The following RAD51B variants were observed in gnomAD, a reference collection of about 807,000 sequenced individuals.
RAD51B encodes RAD51 paralog B.
In RAD51B, 38 loss-of-function variants were observed where a neutral mutation model predicts 42.2. That is an observed-to-expected ratio of 0.90 (90% CI 0.70 to 1.18). RAD51B has a LOEUF of 1.18. Among genes scored for constraint, RAD51B ranks in the 50% most tolerant of loss-of-function variants. RAD51B has a pLI of 0.00. For missense variants in RAD51B, 373 were observed against 400.7 expected (o/e 0.93, Z 0.59); for synonymous variants, 154 against 145.2 (o/e 1.06, Z -0.43).
At chr14:68,345,742 T>A (rs188757520) in intron 8 of RAD51B, among the ~76,000 whole-genome samples, 83 of 151,458 alleles carry the variant, frequency 5.5e-4, no homozygotes, top group African/African-American at 2.0e-3. Context: ...CACTGCAACC[T>A]CCACCTCCTG....
chr14:68,494,101 C>A (rs1004102948), intron 10 of RAD51B, among the ~76,000 whole-genome samples: 2 of 151,894 alleles, frequency 1.3e-5, no homozygotes, highest in Non-Finnish European at 2.9e-5. Flanking sequence ...CATGGTGAAA[C>A]CCTGTCTCTA....
At chr14:68,047,458 C>T (rs1357663535) in intron 7 of RAD51B, among the ~76,000 whole-genome samples, 4 of 151,884 alleles carry the variant, frequency 2.6e-5, no homozygotes, top group African/African-American at 4.8e-5. Flanking sequence ...TCGAAAAGAA[C>T]GAGGAAAAAT....
At chr14:68,146,052 T>TTC (rs10696046) in intron 7 of RAD51B, among the ~76,000 whole-genome samples, 125,703 of 152,002 alleles carry the variant, frequency 0.83, 52,186 homozygotes, top group East Asian at 0.98. Context: ...CCCAGGACTG[T>TTC]TGTTAAAAGG....
At chr14:67,959,512 G>T (rs1034271775) in intron 7 of RAD51B, among the ~76,000 whole-genome samples, 9 of 152,120 alleles carry the variant, frequency 5.9e-5, no homozygotes, top group African/African-American at 2.2e-4. Flanking sequence ...CTCCCAAAGT[G>T]CTGGGATTAC....
At chr14:67,924,460 C>A (rs1259702756) in intron 7 of RAD51B, among the ~76,000 whole-genome samples, 1 of 152,122 alleles carries the variant, frequency 6.6e-6, no homozygotes, top group Non-Finnish European at 1.5e-5. Context: ...CGAGACTGGG[C>A]AATTTACAAA....
At chr14:68,382,882 T>A (rs1436272174) in intron 8 of RAD51B, among the ~76,000 whole-genome samples, 1 of 152,222 alleles carries the variant, frequency 6.6e-6, no homozygotes, top group Non-Finnish European at 1.5e-5. Context: ...GGTAAATCAC[T>A]AGCATAGTAT....
At chr14:68,130,302 A>G (rs1003376796) in intron 7 of RAD51B, 1 of 152,256 alleles carries the variant, frequency 6.6e-6, no homozygotes, top group Non-Finnish European at 1.5e-5. Flanking sequence ...TTAATAAATC[A>G]ACATTCTTAT....
intron 7 of RAD51B, among the ~76,000 whole-genome samples, chr14:67,915,990 T>A (rs1368206624): frequency 1.3e-5 from 2 of 152,204 alleles, no homozygotes; most frequent in African/African-American, 4.8e-5. Context: ...AAGAAAGATT[T>A]GAAGATCCTT....
intron 5 of RAD51B, among the ~76,000 whole-genome samples, chr14:67,874,119 T>G (rs2029996429): frequency 6.6e-6 from 1 of 151,906 alleles, no homozygotes; most frequent in Non-Finnish European, 1.5e-5. Flanking sequence ...AAAAAATGTA[T>G]TAAAGAAAAC....
chr14:68,286,256 C>T (rs2081413276), intron 7 of RAD51B, among the ~76,000 whole-genome samples: 1 of 152,184 alleles, frequency 6.6e-6, no homozygotes, highest in Non-Finnish European at 1.5e-5. Context: ...TTAGGTGACT[C>T]CAGTTCACTT....
intron 7 of RAD51B, among the ~76,000 whole-genome samples, chr14:68,187,200 A>G (rs2079175585): frequency 6.6e-6 from 1 of 152,326 alleles, no homozygotes; most frequent in African/African-American, 2.4e-5. Context: ...ACTGGGAACT[A>G]CTAGAGAAGG....
At chr14:68,452,213 T>C (rs2085574287) in intron 9 of RAD51B, among the ~76,000 whole-genome samples, 1 of 152,136 alleles carries the variant, frequency 6.6e-6, no homozygotes, top group African/African-American at 2.4e-5. Context: ...ACTCCTGATT[T>C]AGGGTGGAGA....
intron 7 of RAD51B, among the ~76,000 whole-genome samples, chr14:68,290,800 A>G (rs78161125): frequency 9.8e-5 from 2 of 20,344 alleles, no homozygotes; most frequent in Non-Finnish European, 1.3e-4. Flanking sequence ...ATTTATTTTT[A>G]TTTATTTATT....
intron 7 of RAD51B, among the ~76,000 whole-genome samples, chr14:68,044,742 G>A (rs142974397): frequency 0.014 from 2,113 of 150,846 alleles, 20 homozygotes; most frequent in Non-Finnish European, 0.023. Context: ...ACCCCTCTTT[G>A]CTTGCCCCCG....
chr14:68,189,372 A>G (rs2079218757), intron 7 of RAD51B, among the ~76,000 whole-genome samples: 1 of 152,064 alleles, frequency 6.6e-6, no homozygotes, highest in South Asian at 2.1e-4. Flanking sequence ...GGACATTAAC[A>G]AGTATTTTTT....
intron 7 of RAD51B, among the ~76,000 whole-genome samples, chr14:67,980,680 T>C (rs2075075640): frequency 1.3e-5 from 2 of 152,294 alleles, no homozygotes; most frequent in Admixed American, 1.3e-4. Flanking sequence ...GCTAAAACAA[T>C]TGGATATTCA....
chr14:68,536,374 T>C (rs780731111), intron 10 of RAD51B, among the ~76,000 whole-genome samples: 2 of 152,208 alleles, frequency 1.3e-5, no homozygotes, highest in Admixed American at 6.5e-5. Flanking sequence ...TTTAAGAATA[T>C]ATAAAACATT....
downstream of RAD51B, among the ~76,000 whole-genome samples, chr14:68,611,761 G>A (rs1891688862): frequency 6.6e-6 from 1 of 152,334 alleles, no homozygotes; most frequent in East Asian, 1.9e-4. Flanking sequence ...ACACAGCACA[G>A]GCTGTTCTCA....
intron 7 of RAD51B, among the ~76,000 whole-genome samples, chr14:68,032,266 C>G (rs541090898): frequency 1.2e-4 from 19 of 152,230 alleles, no homozygotes; most frequent in African/African-American, 3.6e-4. Context: ...GGCTCCTAAC[C>G]TTATTAAGAG....
Sources: gnomAD v4.1 joint callset for allele counts (sites outside exome capture counted in the v4.1 genomes callset) on GRCh38, gnomAD v4.1.1 for gene constraint, MANE v1.5 for transcripts, NCBI Gene and HGNC (gene_info 2026-07-23, HGNC 2026-07-21) for gene names.